The following CACNG2 variants were observed in gnomAD, a reference collection of about 807,000 sequenced individuals.
CACNG2 encodes the protein calcium voltage-gated channel auxiliary subunit gamma 2, also known as voltage-dependent calcium channel gamma-2 subunit.
A neutral mutation model predicts 25.9 loss-of-function variants in CACNG2; 3 were observed. The observed-to-expected ratio is 0.12, with a 90% CI of 0.05 to 0.30. The LOEUF (loss-of-function observed/expected upper bound fraction) is 0.30. CACNG2 is among the 10% of genes least tolerant of loss of function. The pLI, the probability that CACNG2 is intolerant of heterozygous loss-of-function variation, is 1.00. For missense variants in CACNG2, 341 were observed against 432.5 expected (o/e 0.79, Z 1.88); for synonymous variants, 167 against 173.3 (o/e 0.96, Z 0.29).
At chr22:36,566,332 G>GC in intron 3 of CACNG2, 21 bp downstream of exon 3, 1 of 1,613,330 alleles carries the variant, frequency 6.2e-7, no homozygotes, top group Non-Finnish European at 8.5e-7. Flanking sequence ...CCAGTGGCAG[G>GC]ACTGGATCAG....
chr22:36,665,214 T>C (rs1378594337), intron 1 of CACNG2, among the ~76,000 whole-genome samples: 1 of 152,220 alleles, frequency 6.6e-6, no homozygotes, highest in Non-Finnish European at 1.5e-5. Flanking sequence ...TCTAGCAAAG[T>C]AGAGCCTGAT....
intron 1 of CACNG2, among the ~76,000 whole-genome samples, chr22:36,659,233 G>T (rs1936752423): frequency 6.6e-6 from 1 of 152,054 alleles, no homozygotes; most frequent in Non-Finnish European, 1.5e-5. Flanking sequence ...TGAGGGCCTG[G>T]GCAGCAACTT....
intron 2 of CACNG2, among the ~76,000 whole-genome samples, chr22:36,585,855 G>A (rs182000899): frequency 6.6e-6 from 1 of 152,314 alleles, no homozygotes; most frequent in East Asian, 1.9e-4. Flanking sequence ...ACAAGGAAAT[G>A]GAGGCATTGA....
chr22:36,594,529 G>A (rs1050280936), intron 1 of CACNG2, among the ~76,000 whole-genome samples: 1 of 152,162 alleles, frequency 6.6e-6, no homozygotes, highest in Non-Finnish European at 1.5e-5. Context: ...TGACAGAGGA[G>A]AGTGGAGCGT....
At chr22:36,694,091 C>T (rs59852560) in intron 1 of CACNG2, among the ~76,000 whole-genome samples, 3,365 of 152,312 alleles carry the variant, frequency 0.022, 121 homozygotes, top group African/African-American at 0.077. Flanking sequence ...TCCTGAGTCA[C>T]GGGGCAGGCA....
chr22:36,663,978 G>A (rs914561930), intron 1 of CACNG2, among the ~76,000 whole-genome samples: 5 of 152,202 alleles, frequency 3.3e-5, no homozygotes, highest in African/African-American at 1.2e-4. Flanking sequence ...AGTTCATTAA[G>A]GAGCACAACC....
intron 1 of CACNG2, among the ~76,000 whole-genome samples, chr22:36,591,795 T>G (rs1935597649): frequency 6.6e-6 from 1 of 150,938 alleles, no homozygotes; most frequent in Non-Finnish European, 1.5e-5. Context: ...ACAAGGGGGG[T>G]GGTGCTGTGC....
chr22:36,572,960 T>A (rs1442138182), intron 2 of CACNG2, among the ~76,000 whole-genome samples: 3 of 152,208 alleles, frequency 2.0e-5, no homozygotes, highest in Non-Finnish European at 2.9e-5. Context: ...CTGGTTCATG[T>A]CTTTCTAGAG....
chr22:36,619,361 G>A (rs75771494), intron 1 of CACNG2, among the ~76,000 whole-genome samples: 2,529 of 152,232 alleles, frequency 0.017, 68 homozygotes, highest in African/African-American at 0.057. Flanking sequence ...TTACGCTCAC[G>A]CTCACAGCTC....
intron 1 of CACNG2, among the ~76,000 whole-genome samples, chr22:36,684,399 T>A (rs1937168641): frequency 6.6e-6 from 1 of 152,028 alleles, no homozygotes; most frequent in South Asian, 2.1e-4. Flanking sequence ...GTGGATCCCT[T>A]GAGCTCAGGA....
chr22:36,675,292 G>A (rs762466855), intron 1 of CACNG2, among the ~76,000 whole-genome samples: 2 of 151,660 alleles, frequency 1.3e-5, no homozygotes, highest in East Asian at 1.9e-4. Context: ...CGATCTTCCC[G>A]CCTCGGTCCC....
intron 1 of CACNG2, among the ~76,000 whole-genome samples, chr22:36,615,364 A>G (rs921131382): frequency 6.6e-6 from 1 of 152,192 alleles, no homozygotes; most frequent in Non-Finnish European, 1.5e-5. Flanking sequence ...TTAGTCTGTG[A>G]TGACTGCTAC....
At chr22:36,636,096 A>C (rs2145962341) in intron 1 of CACNG2, among the ~76,000 whole-genome samples, 1 of 151,688 alleles carries the variant, frequency 6.6e-6, no homozygotes, top group East Asian at 1.9e-4. Context: ...CACCCTCAAA[A>C]CTCTTCAATG....
chr22:36,581,453 C>A (rs371337952), intron 2 of CACNG2, among the ~76,000 whole-genome samples: 4 of 152,218 alleles, frequency 2.6e-5, no homozygotes, highest in Non-Finnish European at 4.4e-5. Flanking sequence ...GCTTGGCCTG[C>A]TGGCTTGAGC....
At chr22:36,699,337 C>T (rs982460485) in intron 1 of CACNG2, among the ~76,000 whole-genome samples, 3 of 151,722 alleles carry the variant, frequency 2.0e-5, no homozygotes, top group African/African-American at 7.3e-5. Context: ...GGCCCTTCTC[C>T]CTCTCCCCCT....
chr22:36,602,791 G>A (rs1477722259), intron 1 of CACNG2, among the ~76,000 whole-genome samples: 2 of 152,188 alleles, frequency 1.3e-5, no homozygotes, highest in Non-Finnish European at 2.9e-5. Flanking sequence ...TATATAAGAT[G>A]ACGAACTTAA....
intron 1 of CACNG2, among the ~76,000 whole-genome samples, chr22:36,662,526 T>G (rs1357328654): frequency 6.6e-6 from 1 of 152,228 alleles, no homozygotes; most frequent in Non-Finnish European, 1.5e-5. Flanking sequence ...GGCCTCTGCC[T>G]TTGCATTCCC....
At chr22:36,655,884 C>T (rs1416590161) in intron 1 of CACNG2, among the ~76,000 whole-genome samples, 3 of 150,874 alleles carry the variant, frequency 2.0e-5, no homozygotes, top group Non-Finnish European at 3.0e-5. Flanking sequence ...CTCGGCTCAC[C>T]GCAATCTCCA....
intron 2 of CACNG2, among the ~76,000 whole-genome samples, chr22:36,575,387 G>A (rs1003526500): frequency 3.3e-5 from 5 of 151,960 alleles, no homozygotes; most frequent in African/African-American, 9.7e-5. Flanking sequence ...GCCTCGGTGG[G>A]CCCCAGCCTC....
Sources: allele counts gnomAD v4.1 joint callset (sites outside exome capture counted in the v4.1 genomes callset), GRCh38; gene constraint gnomAD v4.1.1; transcripts MANE v1.5; gene names NCBI Gene and HGNC (gene_info 2026-07-23, HGNC 2026-07-21).